The following RSF1 variants were observed in gnomAD, a reference collection of about 807,000 sequenced individuals.
RSF1 encodes HBV pX-associated protein 8.
In RSF1, 13 loss-of-function variants were observed where a neutral mutation model predicts 145.2. The ratio of observed to expected loss-of-function variants is 0.09; its 90% CI spans 0.06 to 0.14. The LOEUF is 0.14. Ranked by LOEUF, RSF1 falls within the 10% of genes least tolerant of loss-of-function variation. The pLI is 1.00. For synonymous variants in RSF1, 577 were observed against 592.6 expected (o/e 0.97, Z 0.38); for missense variants, 1,517 against 1,718.2 (o/e 0.88, Z 2.07).
chr11:77,685,286 T>C, intron 9 of RSF1, 127 bp from the exon 10 acceptor site: 1 of 470,106 alleles, frequency 2.1e-6, no homozygotes, highest in Non-Finnish European at 3.7e-6. Flanking sequence ...GTCACAGAAA[T>C]GTTAGCTATT....
the RSF1 span, among the ~76,000 whole-genome samples, chr11:77,844,528 T>A: frequency 1.1e-4 from 16 of 151,788 alleles, no homozygotes; most frequent in South Asian, 3.3e-3. Flanking sequence ...ACCTGGCTTA[T>A]TTTTTTTAGT....
intron 10 of RSF1, among the ~76,000 whole-genome samples, chr11:77,684,625 A>T (rs1324285049): frequency 6.6e-6 from 1 of 152,202 alleles, no homozygotes; most frequent in Non-Finnish European, 1.5e-5. Flanking sequence ...TAAAATTTCA[A>T]TCATGAGGGA....
chr11:77,674,936 T>C, intron 14 of RSF1, 100 bp downstream of exon 14: 1 of 874,724 alleles, frequency 1.1e-6, no homozygotes, highest in Non-Finnish European at 1.7e-6. Context: ...GACACAGAGG[T>C]TGCAGTGAGC....
In RSF1 at chr11:77,701,274, C is replaced by G; in HGVS notation, c.1955G>C (p.Ser652Thr). The change falls in exon 6 of 16, where the codon AGT (serine) becomes ACT (threonine). Residue 652 changes from serine to threonine, a missense_variant. Transcript: ENST00000308488. ...AGACTGGCCACCAACAGTACTTGTACTCTGGCATTCTACCACTTCTTTTTC... is the reference window on the plus strand; with the variant it reads ...AGACTGGCCACCAACAGTACTTGTAGTCTGGCATTCTACCACTTCTTTTTC... Reference protein sequence around the residue: ...ASEKEVVECQSTSTVGGQSVK... With the variant: ...ASEKEVVECQTTSTVGGQSVK... 6.2e-7 allele frequency: 1 copy of G among 1,614,078 alleles called. No homozygotes were observed. The highest frequency in any genetic ancestry group is 8.5e-7 in the Non-Finnish European group (1 of 1,179,990).
At chr11:77,724,152 A>G (rs1037124832) in intron 5 of RSF1, among the ~76,000 whole-genome samples, 2 of 152,236 alleles carry the variant, frequency 1.3e-5, no homozygotes, top group Admixed American at 6.5e-5. Flanking sequence ...ACTTGAAAAG[A>G]TAGATGCTTA....
At chr11:77,682,398 T>C (rs907557635) in intron 11 of RSF1, among the ~76,000 whole-genome samples, 1 of 152,206 alleles carries the variant, frequency 6.6e-6, no homozygotes, top group Non-Finnish European at 1.5e-5. Context: ...TTAGAAGCTG[T>C]AGGCCAAAAA....
chr11:77,710,313 C>G (rs1394869810), intron 5 of RSF1, among the ~76,000 whole-genome samples: 1 of 152,064 alleles, frequency 6.6e-6, no homozygotes, highest in South Asian at 2.1e-4. Context: ...CACTTAAAAT[C>G]TATTTGGCAA....
intron 1 of RSF1, among the ~76,000 whole-genome samples, chr11:77,773,034 TC>T (rs908065748): frequency 3.2e-4 from 49 of 152,284 alleles, no homozygotes; most frequent in African/African-American, 1.2e-3. Flanking sequence ...GTTGTTTCTG[TC>T]TATGCACCTT....
intron 1 of RSF1, among the ~76,000 whole-genome samples, chr11:77,801,138 A>G (rs1173640088): frequency 6.6e-6 from 1 of 152,198 alleles, no homozygotes; most frequent in East Asian, 1.9e-4. Flanking sequence ...ATAAGAATAC[A>G]TGGTTGGGGC....
chr11:77,693,764 CATTTATTTATTT>C (rs149549639), intron 7 of RSF1, among the ~76,000 whole-genome samples, 153 bp from the exon 8 acceptor site: 26,635 of 146,578 alleles, frequency 0.18, 3,009 homozygotes, highest in African/African-American at 0.31. Context: ...AGGGATCTGA[CATTTATTTATTT>C]ATTTATTTAT....
At chr11:77,678,479 C>T (rs1482925275) in intron 11 of RSF1, among the ~76,000 whole-genome samples, 1 of 152,182 alleles carries the variant, frequency 6.6e-6, no homozygotes, top group Non-Finnish European at 1.5e-5. Flanking sequence ...TCCCAAAGTG[C>T]TGGGATTACA....
chr11:77,851,556 G>C, the RSF1 span: 1 of 152,164 alleles, frequency 6.6e-6, no homozygotes, highest in African/African-American at 2.4e-5. Context: ...CAATGTTGGA[G>C]GTGGGGCTTG....
chr11:77,734,329 T>C (rs907862450), intron 4 of RSF1: 3 of 479,502 alleles, frequency 6.3e-6, no homozygotes, highest in Non-Finnish European at 1.1e-5. Context: ...ACCAAATTTC[T>C]TCATCTGAAG....
intron 11 of RSF1, among the ~76,000 whole-genome samples, chr11:77,681,325 C>T (rs1959854231): frequency 6.6e-6 from 1 of 152,118 alleles, no homozygotes; most frequent in Admixed American, 6.5e-5. Context: ...TATACTCTAC[C>T]TAGTTCCAAA....
intron 1 of RSF1, among the ~76,000 whole-genome samples, chr11:77,774,954 G>A (rs1254345685): frequency 1.3e-5 from 2 of 150,316 alleles, no homozygotes; most frequent in Admixed American, 6.7e-5. Flanking sequence ...TTTTAGTACA[G>A]ATGAGGTTTC....
intron 4 of RSF1, chr11:77,738,569 T>C (rs1961424280): frequency 6.6e-6 from 1 of 152,232 alleles, no homozygotes. Context: ...ACAAAAGTAA[T>C]GTGTCTACAG....
At chr11:77,731,420 A>T (rs899342751) in intron 4 of RSF1, among the ~76,000 whole-genome samples, 3 of 152,262 alleles carry the variant, frequency 2.0e-5, no homozygotes, top group African/African-American at 7.2e-5. Flanking sequence ...GCAGCCTGGC[A>T]ATGTGACAGA....
rs944420065 is a variant in RSF1, at chr11:77,679,928, C to T, written c.3066-1775G>A. ...GGATGAAGTAACTTGTTTAAATCTA[C>T]GCTAAAAATGGTAATTACTAGCCTG... is the stretch of plus-strand genomic sequence containing the variant. On this transcript the variant is annotated intron_variant, in intron 11 of 15. Transcript: ENST00000308488. Among the ~76,000 whole-genome samples the T allele has an allele frequency of 8.5e-5, 13 of 152,066 alleles. 1 individual carries two copies. The highest frequency in any genetic ancestry group is 8.3e-4 in the South Asian group (4 of 4,824).
In RSF1 at chr11:77,701,339, TGGA is replaced by T; in HGVS notation, c.1887_1889del (p.Pro631del). On this transcript the variant is annotated inframe_deletion, in exon 6 of 16. Transcript: ENST00000308488. ...CACAGTGGTCAATGATATTAGATGGTGGAGAAGTTTCAGCTGCCTCAGGAGAGC... is the reference window on the plus strand; with the variant it reads ...CACAGTGGTCAATGATATTAGATGGTGAAGTTTCAGCTGCCTCAGGAGAGC... The T allele has an allele frequency of 6.2e-7, 1 of 1,614,126 alleles. No individual in the cohort carries two copies. The highest frequency in any genetic ancestry group is 8.5e-7 in the Non-Finnish European group (1 of 1,180,026).
Sources: gnomAD v4.1 joint callset for allele counts (sites outside exome capture counted in the v4.1 genomes callset) on GRCh38, gnomAD v4.1.1 for gene constraint, MANE v1.5 for transcripts, NCBI Gene and HGNC (gene_info 2026-07-23, HGNC 2026-07-21) for gene names.